The following GPC5 variants were observed in gnomAD, a reference collection of about 807,000 sequenced individuals.
GPC5 encodes the protein glypican-5.
Under a neutral mutation model 53.9 loss-of-function variants are expected in GPC5, and 47 were observed. That is an observed-to-expected ratio of 0.87 (90% CI 0.69 to 1.11). The LOEUF (loss-of-function observed/expected upper bound fraction) is 1.11, where lower values mean the gene tolerates loss of function less well. Ranked by LOEUF, GPC5 falls within the 50% of genes most tolerant of loss-of-function variation. GPC5 has a pLI of 0.00. For synonymous variants in GPC5, 286 were observed against 263.3 expected, an observed-to-expected ratio of 1.09 and a Z score of -0.84; for missense variants, 748 against 713.1, an observed-to-expected ratio of 1.05 and a Z score of -0.56.
chr13:92,618,189 A>C (rs1884759695), intron 7 of GPC5, among the ~76,000 whole-genome samples: 1 of 152,160 alleles, frequency 6.6e-6, no homozygotes, highest in Non-Finnish European at 1.5e-5. Context: ...GGATATCTTA[A>C]GTACATAGTT....
intron 7 of GPC5, among the ~76,000 whole-genome samples, chr13:92,325,835 TG>T (rs1439582908): frequency 6.6e-6 from 1 of 152,068 alleles, no homozygotes; most frequent in Non-Finnish European, 1.5e-5. Context: ...TGGTTTCCTA[TG>T]AACGAGGCAT....
rs903134427 is a variant in GPC5 at position 91,854,352 on chromosome 13, G to T, written c.1281-53585G>T. 2.0e-5 allele frequency among the ~76,000 whole-genome samples: 3 copies of T among 151,482 alleles called. No homozygotes were observed. In the South Asian group the frequency reaches 6.2e-4, roughly 31 times the overall value. ...GTAATAATCACATCATGGAAAATTG[G>T]GTCTGCATCCCCTCAAGCATTTATC... On this transcript the variant is annotated intron_variant, in intron 5 of 7. Coordinates refer to ENST00000377067, the MANE Select transcript of GPC5 (RefSeq NM_004466.6).
chr13:92,814,483 A>T (rs1877397932), intron 7 of GPC5, among the ~76,000 whole-genome samples: 1 of 151,802 alleles, frequency 6.6e-6, no homozygotes, highest in Non-Finnish European at 1.5e-5. Context: ...CAACATGGTG[A>T]AACCCCGTCT....
chr13:92,405,313 A>T (rs1368844692), intron 7 of GPC5, among the ~76,000 whole-genome samples: 1 of 152,138 alleles, frequency 6.6e-6, no homozygotes, highest in Non-Finnish European at 1.5e-5. Flanking sequence ...ACATCTTTGG[A>T]ATGTGGGAGG....
intron 7 of GPC5, among the ~76,000 whole-genome samples, chr13:92,754,549 G>T (rs1162822977): frequency 6.6e-6 from 1 of 151,472 alleles, no homozygotes; most frequent in African/African-American, 2.4e-5. Flanking sequence ...TGGATAAAGA[G>T]TCAAGACCCA....
intron 7 of GPC5, among the ~76,000 whole-genome samples, chr13:92,213,556 CTG>C (rs1478692927): frequency 2.0e-5 from 3 of 152,146 alleles, no homozygotes; most frequent in East Asian, 1.9e-4. Flanking sequence ...CCTGAAATGA[CTG>C]TATAATCTGT....
chr13:92,115,304 C>T (rs981825346), intron 6 of GPC5, among the ~76,000 whole-genome samples: 5 of 152,146 alleles, frequency 3.3e-5, no homozygotes, highest in Non-Finnish European at 5.9e-5. Flanking sequence ...GTCAAGAGAT[C>T]GAGACCATTC....
intron 3 of GPC5, among the ~76,000 whole-genome samples, chr13:91,727,204 T>C (rs1393930691): frequency 6.6e-6 from 1 of 152,210 alleles, no homozygotes; most frequent in Non-Finnish European, 1.5e-5. Flanking sequence ...GTATAACAGA[T>C]ATTTATTTTT....
At chr13:92,099,276 G>T (rs1477518744) in intron 6 of GPC5, among the ~76,000 whole-genome samples, 1 of 152,012 alleles carries the variant, frequency 6.6e-6, no homozygotes, top group Non-Finnish European at 1.5e-5. Context: ...TAATGTCCAG[G>T]CTCCTTAAAA....
chr13:92,537,432 T>C (rs1881763073), intron 7 of GPC5, among the ~76,000 whole-genome samples: 1 of 152,198 alleles, frequency 6.6e-6, no homozygotes, highest in Non-Finnish European at 1.5e-5. Flanking sequence ...TTTTAATTTT[T>C]ATGTGATTTG....
chr13:91,671,805 A>AAAAAAAAT (rs2035254272), intron 2 of GPC5, among the ~76,000 whole-genome samples: 1 of 141,290 alleles, frequency 7.1e-6, no homozygotes, highest in Admixed American at 7.1e-5. Context: ...AAAAAAAAAA[A>AAAAAAAAT]CGAAACTGGA....
chr13:91,498,801 C>T (rs183090838), intron 2 of GPC5, among the ~76,000 whole-genome samples: 3 of 151,770 alleles, frequency 2.0e-5, no homozygotes, highest in Non-Finnish European at 4.4e-5. Flanking sequence ...GAAACCCCGT[C>T]TCTACAAAAA....
chr13:92,411,286 A>G (rs2139349652), intron 7 of GPC5, among the ~76,000 whole-genome samples: 1 of 152,254 alleles, frequency 6.6e-6, no homozygotes, highest in South Asian at 2.1e-4. Flanking sequence ...ATAAAAAAAA[A>G]GAATGCTTAC....
chr13:91,869,363 G>A (rs1594629487), intron 5 of GPC5, among the ~76,000 whole-genome samples: 1 of 152,232 alleles, frequency 6.6e-6, no homozygotes, highest in East Asian at 1.9e-4. Flanking sequence ...CAGCAATGGT[G>A]TTTCTGACTC....
intron 1 of GPC5, among the ~76,000 whole-genome samples, chr13:91,422,762 A>C (rs1399532987): frequency 6.6e-6 from 1 of 152,198 alleles, no homozygotes; most frequent in Non-Finnish European, 1.5e-5. Flanking sequence ...GCTGCAGGTC[A>C]TCACATAACA....
intron 7 of GPC5, among the ~76,000 whole-genome samples, chr13:92,568,342 A>G (rs1233426516): frequency 6.6e-6 from 1 of 152,174 alleles, no homozygotes; most frequent in Non-Finnish European, 1.5e-5. Flanking sequence ...TTAGCTGAGA[A>G]TGGAATATTA....
intron 2 of GPC5, among the ~76,000 whole-genome samples, chr13:91,572,139 A>C (rs1454160140): frequency 1.4e-5 from 2 of 141,878 alleles, no homozygotes; most frequent in South Asian, 4.3e-4. Context: ...ATATACACAT[A>C]TGTATATATA....
chr13:91,757,022 G>A (rs554305539), intron 5 of GPC5, among the ~76,000 whole-genome samples: 43 of 152,108 alleles, frequency 2.8e-4, no homozygotes, highest in African/African-American at 1.0e-3. Flanking sequence ...ACTTAGAAGT[G>A]AAATTCCATG....
At chr13:91,696,991 CT>C (rs1453672926) in intron 3 of GPC5, among the ~76,000 whole-genome samples, 42 of 152,226 alleles carry the variant, frequency 2.8e-4, no homozygotes, top group Middle Eastern at 3.4e-3. Context: ...TCAGTTTCCT[CT>C]TTGGTTAGAT....
Sources: gnomAD v4.1 joint callset for allele counts (sites outside exome capture counted in the v4.1 genomes callset) on GRCh38, gnomAD v4.1.1 for gene constraint, MANE v1.5 for transcripts, NCBI Gene and HGNC (gene_info 2026-07-23, HGNC 2026-07-21) for gene names.